Variants in MALRD1 observed in about 807,000 individuals in gnomAD.
MALRD1 encodes the protein MAM and LDL receptor class A domain containing 1.
Under a neutral mutation model 242.1 loss-of-function variants are expected in MALRD1, and 247 were observed. The observed-to-expected ratio is 1.02, with a 90% CI of 0.92 to 1.13. The LOEUF is 1.13. Ranked by LOEUF, MALRD1 falls within the 50% of genes most tolerant of loss-of-function variation. The probability of loss-of-function intolerance (pLI) is 0.00; values close to 1 mark genes in which losing one functional copy is unlikely to be tolerated. For synonymous variants in MALRD1, 995 were observed against 866.6 expected, an observed-to-expected ratio of 1.15 and a Z score of -2.60; for missense variants, 2,989 against 2,533.1, an observed-to-expected ratio of 1.18 and a Z score of -3.86.
At chr10:19,492,915 A>G (rs1837554432) in intron 30 of MALRD1, among the ~76,000 whole-genome samples, 1 of 152,164 alleles carries the variant, frequency 6.6e-6, no homozygotes, top group South Asian at 2.1e-4. Flanking sequence ...TTTATTTCTT[A>G]GGATCTTATA....
At chr10:19,436,127 T>C (rs972067096) in intron 28 of MALRD1, among the ~76,000 whole-genome samples, 3 of 152,120 alleles carry the variant, frequency 2.0e-5, no homozygotes, top group African/African-American at 4.8e-5. Context: ...CAGGCTCTTG[T>C]AGATTGCAAG....
chr10:19,249,664 C>T (rs1220698543), intron 18 of MALRD1, among the ~76,000 whole-genome samples: 1 of 151,874 alleles, frequency 6.6e-6, no homozygotes, highest in Non-Finnish European at 1.5e-5. Flanking sequence ...TTATATGATT[C>T]TAAACAATAA....
At chr10:19,078,097 TATC>T (rs1480453499) in intron 2 of MALRD1, among the ~76,000 whole-genome samples, 1 of 151,844 alleles carries the variant, frequency 6.6e-6, no homozygotes, top group Non-Finnish European at 1.5e-5. Flanking sequence ...CGTCAGCTAT[TATC>T]ATTAGGATTT....
chr10:19,189,495 C>T (rs1835883834), intron 14 of MALRD1, among the ~76,000 whole-genome samples: 2 of 135,688 alleles, frequency 1.5e-5, no homozygotes, highest in Admixed American at 7.9e-5. Context: ...TCAAGCCAGA[C>T]AAAGAGACTG....
intron 24 of MALRD1, among the ~76,000 whole-genome samples, chr10:19,333,789 C>T (rs773312340): frequency 3.3e-5 from 5 of 151,974 alleles, no homozygotes; most frequent in African/African-American, 4.8e-5. Flanking sequence ...TGCCTTTTCT[C>T]GGTAACCTCG....
At chr10:19,327,946 G>T (rs752481251) in intron 23 of MALRD1, among the ~76,000 whole-genome samples, 1 of 152,056 alleles carries the variant, frequency 6.6e-6, no homozygotes, top group Non-Finnish European at 1.5e-5. Flanking sequence ...AGCCTCACAC[G>T]TATAAGGAAC....
At chr10:19,613,613 G>A (rs1036843141) in intron 35 of MALRD1, among the ~76,000 whole-genome samples, 10 of 151,880 alleles carry the variant, frequency 6.6e-5, no homozygotes, top group African/African-American at 2.2e-4. Context: ...CCTCTTTAAC[G>A]GGGCTCCCAA....
intron 17 of MALRD1, among the ~76,000 whole-genome samples, chr10:19,207,748 C>T (rs931272506): frequency 1.1e-4 from 16 of 152,068 alleles, no homozygotes; most frequent in South Asian, 2.1e-4. Context: ...GTGATCTGCC[C>T]GCCTTGGCCT....
intron 5 of MALRD1, among the ~76,000 whole-genome samples, chr10:19,105,566 G>A (rs1359539081): frequency 1.3e-5 from 2 of 151,946 alleles, no homozygotes; most frequent in Non-Finnish European, 2.9e-5. Context: ...GGATTGCTGA[G>A]TCATTTGGTA....
chr10:19,248,473 T>A (rs946391954), intron 18 of MALRD1, among the ~76,000 whole-genome samples: 1 of 151,964 alleles, frequency 6.6e-6, no homozygotes, highest in Admixed American at 6.6e-5. Flanking sequence ...ATGTTACAAT[T>A]TTATAGTAAG....
intron 34 of MALRD1, among the ~76,000 whole-genome samples, chr10:19,596,778 A>G (rs1838120580): frequency 1.3e-5 from 2 of 150,978 alleles, no homozygotes; most frequent in South Asian, 2.1e-4. Flanking sequence ...AAAGAGAGAA[A>G]GAGAGAAGGA....
intron 33 of MALRD1, among the ~76,000 whole-genome samples, chr10:19,586,616 C>G (rs1357700131): frequency 1.3e-5 from 2 of 152,200 alleles, no homozygotes; most frequent in Admixed American, 1.3e-4. Context: ...GGGAGAACCA[C>G]TGCTCTCTTC....
At chr10:19,155,907 A>G (rs781414009) in intron 12 of MALRD1, among the ~76,000 whole-genome samples, 9 of 152,234 alleles carry the variant, frequency 5.9e-5, no homozygotes, top group Non-Finnish European at 1.3e-4. Flanking sequence ...TATGTACCAA[A>G]TATAATGTTA....
intron 28 of MALRD1, among the ~76,000 whole-genome samples, chr10:19,402,710 T>C (rs1015093210): frequency 3.3e-5 from 5 of 152,170 alleles, no homozygotes; most frequent in African/African-American, 9.7e-5. Context: ...CACATATTAT[T>C]AATACACATG....
chr10:19,541,706 G>T (rs750296922), intron 32 of MALRD1, among the ~76,000 whole-genome samples: 35 of 152,188 alleles, frequency 2.3e-4, no homozygotes, highest in Non-Finnish European at 4.6e-4. Flanking sequence ...ACACTTAGGA[G>T]TGTGTCAAGC....
chr10:19,269,420 T>C (rs1404980293), intron 19 of MALRD1, among the ~76,000 whole-genome samples: 5 of 152,252 alleles, frequency 3.3e-5, no homozygotes, highest in Admixed American at 2.6e-4. Flanking sequence ...AAGAGTGTGA[T>C]ACTTTAGAAA....
At chr10:19,554,373 TC>T (rs1302472733) in intron 32 of MALRD1, among the ~76,000 whole-genome samples, 1 of 151,950 alleles carries the variant, frequency 6.6e-6, no homozygotes, top group African/African-American at 2.4e-5. Flanking sequence ...GCTTGCTCTT[TC>T]TTTTTATATT....
Position 19,358,195 on chromosome 10 carries a change from A to AGTGTGTGTGTGTGTGTGTGT in MALRD1, c.4441+5915_4441+5934dup, listed in dbSNP as rs776862926. Among the ~76,000 whole-genome samples the AGTGTGTGTGTGTGTGTGTGT allele has an allele frequency of 7.8e-3, 1,136 of 145,644 alleles. 24 individuals are homozygous for AGTGTGTGTGTGTGTGTGTGT. The highest frequency in any genetic ancestry group is 0.018 in the African/African-American group (682 of 38,480). ...ATATATGCAATCAGGGCAGGAGTCA[A>AGTGTGTGTGTGTGTGTGTGT]GTGTGTGTGTGTGTGTGTGTGTGTG... On this transcript the variant is annotated intron_variant, in intron 26 of 39. Transcript: ENST00000454679.
intron 28 of MALRD1, among the ~76,000 whole-genome samples, chr10:19,399,022 A>G (rs1846710537): frequency 6.6e-6 from 1 of 152,206 alleles, no homozygotes; most frequent in Admixed American, 6.5e-5. Flanking sequence ...CAGACTCAAG[A>G]GTGTCTCTTC....
Sources: gnomAD v4.1 joint callset for allele counts (sites outside exome capture counted in the v4.1 genomes callset) on GRCh38, gnomAD v4.1.1 for gene constraint, MANE v1.5 for transcripts, NCBI Gene and HGNC (gene_info 2026-07-23, HGNC 2026-07-21) for gene names.